The following RABGAP1L variants were observed in gnomAD, a reference collection of about 807,000 sequenced individuals.
RABGAP1L encodes the protein RAB GTPase activating protein 1 like, also known as rab GTPase-activating protein 1-like.
Under a neutral mutation model 137.7 loss-of-function variants are expected in RABGAP1L, and 63 were observed. That is an observed-to-expected ratio of 0.46 (90% CI 0.37 to 0.56). The LOEUF is 0.56. RABGAP1L is among the 20% of genes least tolerant of loss of function. The pLI is 0.00. For synonymous variants in RABGAP1L, 431 were observed against 433.7 expected, an observed-to-expected ratio of 0.99 and a Z score of 0.08; for missense variants, 1,095 against 1,244.0, an observed-to-expected ratio of 0.88 and a Z score of 1.80.
Position 174,394,141 on chromosome 1 carries a change from C to A in RABGAP1L, c.1706C>A (p.Thr569Lys), listed in dbSNP as rs764078195. Residue 569 changes from threonine to lysine, a missense_variant, in exon 13 of 26, where the codon ACA becomes AAA. Thr to Lys is a moderately conservative substitution (Grantham distance 78). Transcript: ENST00000681986. ...AMLDRYRILI[T>K]KDSAQESVIT... ...CTGGATAGATACCGAATTCTTATCACAAAGGTAGGAAGAAGTTCTTTTCAT... is the reference window on the plus strand; with the variant it reads ...CTGGATAGATACCGAATTCTTATCAAAAAGGTAGGAAGAAGTTCTTTTCAT... 6.2e-7 allele frequency: 1 copy of A among 1,611,854 alleles called. No individual in the cohort carries two copies.
chr1:174,549,483 C>A (rs904247530), intron 13 of RABGAP1L, among the ~76,000 whole-genome samples: 4 of 152,080 alleles, frequency 2.6e-5, no homozygotes, highest in African/African-American at 9.7e-5. Flanking sequence ...ACATAGCATT[C>A]TTGTAAAGAG....
intron 10 of RABGAP1L, among the ~76,000 whole-genome samples, chr1:174,293,693 CACTT>C (rs1037987773): frequency 2.6e-5 from 4 of 152,094 alleles, no homozygotes; most frequent in African/African-American, 9.7e-5. Flanking sequence ...AGTCCTGTAT[CACTT>C]ACAATTTCAC....
chr1:174,743,301 T>C (rs944918570), intron 17 of RABGAP1L, among the ~76,000 whole-genome samples: 1 of 152,190 alleles, frequency 6.6e-6, no homozygotes, highest in Non-Finnish European at 1.5e-5. Flanking sequence ...TCTGGTGAGT[T>C]CCAGTTCTTC....
intron 13 of RABGAP1L, among the ~76,000 whole-genome samples, chr1:174,437,218 A>G (rs1471798140): frequency 6.6e-6 from 1 of 152,248 alleles, no homozygotes; most frequent in African/African-American, 2.4e-5. Flanking sequence ...AACTGGACAG[A>G]GAATGACTTT....
chr1:174,532,043 G>A (rs944325540), intron 13 of RABGAP1L, among the ~76,000 whole-genome samples: 4 of 151,394 alleles, frequency 2.6e-5, no homozygotes, highest in African/African-American at 4.9e-5. Flanking sequence ...TAGAAAGGAA[G>A]ACATAAGATA....
intron 17 of RABGAP1L, among the ~76,000 whole-genome samples, chr1:174,735,247 A>G (rs1379031850): frequency 1.3e-5 from 2 of 149,710 alleles, no homozygotes; most frequent in African/African-American, 2.4e-5. Context: ...AAGTGCTGGG[A>G]TTACAGGCGT....
chr1:174,543,494 C>A (rs1403081018), intron 13 of RABGAP1L, among the ~76,000 whole-genome samples: 4 of 152,060 alleles, frequency 2.6e-5, no homozygotes, highest in South Asian at 2.1e-4. Flanking sequence ...GTTTCCCTGC[C>A]TGTGAGATGG....
At chr1:174,512,659 C>T (rs1389716463) in intron 13 of RABGAP1L, among the ~76,000 whole-genome samples, 1 of 152,120 alleles carries the variant, frequency 6.6e-6, no homozygotes, top group Non-Finnish European at 1.5e-5. Flanking sequence ...TTTAAATTTG[C>T]ACATGGGTAA....
chr1:174,908,545 T>C (rs1261183324), intron 19 of RABGAP1L, among the ~76,000 whole-genome samples: 3 of 144,604 alleles, frequency 2.1e-5, no homozygotes, highest in Non-Finnish European at 4.6e-5. Flanking sequence ...TTCTTTTTTT[T>C]TTTTTTTTTT....
At position 174,455,192 on chromosome 1, in the gene RABGAP1L, G is replaced by C. The variant is rs562077060; in HGVS notation, c.1710+61047G>C. ...AGTTTTTGAGATTCTAAAATTCTAAGGTTTAAGGTGATAAATATCAAGAAA... is the reference window on the plus strand; with the variant it reads ...AGTTTTTGAGATTCTAAAATTCTAACGTTTAAGGTGATAAATATCAAGAAA... On this transcript the variant is annotated intron_variant, in intron 13 of 25. Transcript: ENST00000681986. 3.9e-5 allele frequency among the ~76,000 whole-genome samples: 6 copies of C among 152,112 alleles called. No homozygotes were observed. In the East Asian group the frequency reaches 1.2e-3, roughly 29 times the overall value.
intron 14 of RABGAP1L, among the ~76,000 whole-genome samples, chr1:174,649,037 G>C (rs1265975710): frequency 6.6e-6 from 1 of 151,068 alleles, no homozygotes; most frequent in Non-Finnish European, 1.5e-5. Flanking sequence ...GCTTTTTTTT[G>C]CTTTCCATTT....
chr1:174,900,210 C>G (rs1657909575), intron 19 of RABGAP1L, among the ~76,000 whole-genome samples: 1 of 152,168 alleles, frequency 6.6e-6, no homozygotes. Flanking sequence ...AGACAAAATG[C>G]ACACACAACG....
At chr1:174,649,760 A>T (rs1017349203) in intron 14 of RABGAP1L, among the ~76,000 whole-genome samples, 3 of 152,166 alleles carry the variant, frequency 2.0e-5, no homozygotes, top group Non-Finnish European at 2.9e-5. Flanking sequence ...TTTTCTAGAT[A>T]TGCAATGATG....
At chr1:174,247,796 A>G (rs975152098) in intron 5 of RABGAP1L, among the ~76,000 whole-genome samples, 5 of 152,154 alleles carry the variant, frequency 3.3e-5, no homozygotes. Flanking sequence ...CACGTCCTCC[A>G]GCCTCTGCAT....
At chr1:174,164,491 T>G (rs1450807214) in intron 1 of RABGAP1L, among the ~76,000 whole-genome samples, 2 of 152,206 alleles carry the variant, frequency 1.3e-5, no homozygotes, top group Non-Finnish European at 2.9e-5. Flanking sequence ...GAAATAATAT[T>G]TATCTTTTCA....
At chr1:174,354,477 C>T (rs1008560778) in intron 11 of RABGAP1L, among the ~76,000 whole-genome samples, 1 of 152,052 alleles carries the variant, frequency 6.6e-6, no homozygotes, top group African/African-American at 2.4e-5. Flanking sequence ...TGCTTCTCTC[C>T]TTTGCCACTT....
intron 18 of RABGAP1L, among the ~76,000 whole-genome samples, chr1:174,798,192 C>G (rs1413726192): frequency 6.8e-6 from 1 of 147,604 alleles, no homozygotes; most frequent in African/African-American, 2.5e-5. Context: ...GTCAGGAGAT[C>G]GAGACCATCC....
intron 13 of RABGAP1L, among the ~76,000 whole-genome samples, chr1:174,525,865 T>C (rs985356611): frequency 1.8e-4 from 27 of 152,158 alleles, no homozygotes; most frequent in African/African-American, 6.0e-4. Context: ...TTTGTCACAC[T>C]TTTTTCTGCA....
At chr1:174,461,024 T>A (rs983351715) in intron 13 of RABGAP1L, among the ~76,000 whole-genome samples, 7 of 152,212 alleles carry the variant, frequency 4.6e-5, no homozygotes, top group Non-Finnish European at 1.0e-4. Flanking sequence ...TGCTTTGTTG[T>A]TTAAGAACAC....
Sources: allele counts gnomAD v4.1 joint callset (sites outside exome capture counted in the v4.1 genomes callset), GRCh38; gene constraint gnomAD v4.1.1; transcripts MANE v1.5; gene names NCBI Gene and HGNC (gene_info 2026-07-23, HGNC 2026-07-21).